The following CTNNA3 variants were observed in gnomAD, a reference collection of about 807,000 sequenced individuals.
CTNNA3 encodes the protein catenin alpha 3.
Under a neutral mutation model 95.7 loss-of-function variants are expected in CTNNA3, and 76 were observed. The observed-to-expected ratio is 0.79, with a 90% confidence interval of 0.66 to 0.96. The LOEUF (loss-of-function observed/expected upper bound fraction) is 0.96. Ranked by LOEUF, CTNNA3 falls within the 40% of genes least tolerant of loss-of-function variation. The pLI, the probability that CTNNA3 is intolerant of heterozygous loss-of-function variation, is 0.00. For missense variants in CTNNA3, 1,191 were observed against 1,089.8 expected, an observed-to-expected ratio of 1.09 and a Z score of -1.31; for synonymous variants, 431 against 374.4, an observed-to-expected ratio of 1.15 and a Z score of -1.74.
chr10:67,400,067 C>T (rs1451281886), intron 5 of CTNNA3, among the ~76,000 whole-genome samples: 2 of 150,258 alleles, frequency 1.3e-5, no homozygotes, highest in Non-Finnish European at 3.0e-5. Flanking sequence ...TATTCCCTCC[C>T]ACCTCCCCCC....
intron 1 of CTNNA3, among the ~76,000 whole-genome samples, chr10:67,726,845 G>C (rs111217794): frequency 9.4e-4 from 103 of 109,280 alleles, no homozygotes; most frequent in African/African-American, 1.8e-3. Context: ...ATAATATATA[G>C]TATAATTATA....
rs142306661 is a variant in CTNNA3, at chr10:66,488,315, A to C, written c.1531+32302T>G. On this transcript the variant is annotated intron_variant, in intron 11 of 17. Coordinates refer to ENST00000433211, the MANE Select transcript of CTNNA3 (RefSeq NM_013266.4). ...TCTCCCTCATGCATGGACATAGATG[A>C]GTTAGAGATAAAGCCTAGGCAAGGC... 5.9e-3 allele frequency among the ~76,000 whole-genome samples: 900 copies of C among 152,264 alleles called. 10 individuals are homozygous for C. Among genetic ancestry groups the C allele is most frequent in the African/African-American group, 0.021 (857 of 41,564 alleles).
intron 7 of CTNNA3, among the ~76,000 whole-genome samples, chr10:66,818,077 G>T (rs565425322): frequency 7.6e-6 from 1 of 131,082 alleles, no homozygotes; most frequent in African/African-American, 3.0e-5. Flanking sequence ...ATAATCCAAC[G>T]CTCTTTTATT....
intron 11 of CTNNA3, among the ~76,000 whole-genome samples, chr10:66,475,815 G>A (rs1421908259): frequency 4.6e-5 from 7 of 151,824 alleles, no homozygotes; most frequent in Non-Finnish European, 1.5e-5. Flanking sequence ...CGATTCCTCA[G>A]AGACCTAGGA....
chr10:67,531,354 G>T (rs1386116186), intron 4 of CTNNA3, among the ~76,000 whole-genome samples: 3 of 152,188 alleles, frequency 2.0e-5, no homozygotes, highest in Non-Finnish European at 2.9e-5. Context: ...GGGGAGAGCT[G>T]CCCAAGACCA....
intron 7 of CTNNA3, among the ~76,000 whole-genome samples, chr10:66,985,130 A>G (rs538663691): frequency 7.8e-4 from 119 of 152,274 alleles, no homozygotes; most frequent in African/African-American, 2.5e-3. Flanking sequence ...CAAGACTAAC[A>G]TTATCTAATA....
At chr10:67,087,484 C>T (rs1857370668) in intron 7 of CTNNA3, among the ~76,000 whole-genome samples, 1 of 151,738 alleles carries the variant, frequency 6.6e-6, no homozygotes, top group South Asian at 2.1e-4. Flanking sequence ...AAGTTTTATA[C>T]ATTTAGATAC....
At chr10:67,471,404 A>G (rs1040909230) in intron 5 of CTNNA3, among the ~76,000 whole-genome samples, 1 of 152,258 alleles carries the variant, frequency 6.6e-6, no homozygotes, top group African/African-American at 2.4e-5. Context: ...GCAAGCATCT[A>G]TTATGAAGCT....
At chr10:67,170,783 A>C (rs1401529024) in intron 7 of CTNNA3, among the ~76,000 whole-genome samples, 1 of 152,196 alleles carries the variant, frequency 6.6e-6, no homozygotes, top group African/African-American at 2.4e-5. Context: ...GGTTAAAAAA[A>C]CCACAAACAC....
intron 14 of CTNNA3, among the ~76,000 whole-genome samples, chr10:66,071,576 A>G (rs1328049900): frequency 2.6e-5 from 4 of 152,168 alleles, no homozygotes; most frequent in Non-Finnish European, 5.9e-5. Flanking sequence ...ACAAACACGA[A>G]TAATATTGCC....
chr10:67,718,323 T>A (rs1392768972), intron 1 of CTNNA3, among the ~76,000 whole-genome samples: 1 of 152,224 alleles, frequency 6.6e-6, no homozygotes, highest in Non-Finnish European at 1.5e-5. Flanking sequence ...TCTTGCCTGA[T>A]TGCCCTGGTC....
intron 9 of CTNNA3, among the ~76,000 whole-genome samples, chr10:66,665,863 A>C (rs1846434558): frequency 6.6e-6 from 1 of 152,100 alleles, no homozygotes; most frequent in African/African-American, 2.4e-5. Context: ...CTTTCCAAAA[A>C]ATGATATTTT....
intron 11 of CTNNA3, among the ~76,000 whole-genome samples, chr10:66,453,411 A>C (rs532897372): frequency 2.8e-4 from 43 of 152,340 alleles, no homozygotes; most frequent in African/African-American, 9.6e-4. Context: ...ACTTGGCATC[A>C]GTTGTGAAAG....
chr10:67,647,194 G>A (rs1258396384), intron 2 of CTNNA3, among the ~76,000 whole-genome samples: 1 of 140,516 alleles, frequency 7.1e-6, no homozygotes, highest in East Asian at 2.0e-4. Context: ...TGCTATTCTT[G>A]CTAAAAGAGA....
intron 1 of CTNNA3, among the ~76,000 whole-genome samples, chr10:67,743,614 C>A (rs551807630): frequency 5.3e-5 from 8 of 151,472 alleles, no homozygotes; most frequent in Non-Finnish European, 1.2e-4. Context: ...CCCTCTCTCA[C>A]TACTCCTATT....
chr10:66,170,241 CTTTTTTT>C lies in CTNNA3; in HGVS notation c.1885-66999_1885-66993del, dbSNP rs57644952. Among the ~76,000 whole-genome samples the C allele has an allele frequency of 3.9e-3, 286 of 73,358 alleles. 1 individual carries two copies. The Middle Eastern group carries it at 0.044, about 11-fold the overall frequency. The allele number at this position is 73,358 out of a possible 152,430, so 48.1% of individuals were successfully genotyped here. A position where few individuals can be genotyped will look rare whatever the true frequency, so the allele number is the denominator to read the frequency against. On this transcript the variant is annotated intron_variant, in intron 13 of 17. Coordinates refer to ENST00000433211, the MANE Select transcript of CTNNA3 (RefSeq NM_013266.4). ...CCAGTTGCATTCTCCTCCTCATTGT[CTTTTTTT>C]TTTTTTTTTTTTTTTTTTAGATGGT...
intron 11 of CTNNA3, among the ~76,000 whole-genome samples, chr10:66,389,873 G>A (rs1041684373): frequency 6.6e-6 from 1 of 151,976 alleles, no homozygotes; most frequent in Non-Finnish European, 1.5e-5. Context: ...CAAGTAGCTA[G>A]AACTGCAGGA....
At chr10:67,188,364 A>G (rs191948335) in intron 6 of CTNNA3, among the ~76,000 whole-genome samples, 5 of 152,240 alleles carry the variant, frequency 3.3e-5, no homozygotes, top group Non-Finnish European at 5.9e-5. Flanking sequence ...GCAAGGTGGC[A>G]CATCCCTGTA....
intron 13 of CTNNA3, among the ~76,000 whole-genome samples, chr10:66,224,914 C>T (rs767727712): frequency 2.6e-5 from 4 of 151,914 alleles, no homozygotes; most frequent in African/African-American, 9.7e-5. Flanking sequence ...TTTTAATTGA[C>T]ACATAATAAT....
Sources: allele counts gnomAD v4.1 joint callset (sites outside exome capture counted in the v4.1 genomes callset), GRCh38; gene constraint gnomAD v4.1.1; transcripts MANE v1.5; gene names NCBI Gene and HGNC (gene_info 2026-07-23, HGNC 2026-07-21).